SAR1B: variants seen among roughly 807,000 people sequenced by gnomAD.
SAR1B encodes the protein secretion associated Ras related GTPase 1B.
Under a neutral mutation model 26.8 loss-of-function variants are expected in SAR1B, and 23 were observed. The ratio of observed to expected loss-of-function variants is 0.86; its 90% CI spans 0.62 to 1.22. The LOEUF is 1.22. Ranked by LOEUF, SAR1B falls within the 50% of genes most tolerant of loss-of-function variation. SAR1B has a pLI of 0.00. For synonymous variants in SAR1B, 65 were observed against 80.8 expected, an observed-to-expected ratio of 0.80 and a Z score of 1.05; for missense variants, 196 against 232.8, an observed-to-expected ratio of 0.84 and a Z score of 1.03.
chr5:134,631,373 A>G (rs1422638814), intron 1 of SAR1B, among the ~76,000 whole-genome samples: 1 of 152,172 alleles, frequency 6.6e-6, no homozygotes, highest in Non-Finnish European at 1.5e-5. Flanking sequence ...AGTCTACTGA[A>G]AGGTATAATA....
chr5:134,612,507 C>T (rs577812618), intron 4 of SAR1B, among the ~76,000 whole-genome samples, 184 bp downstream of exon 4: 4 of 151,450 alleles, frequency 2.6e-5, no homozygotes, highest in Admixed American at 6.6e-5. Flanking sequence ...CAGCTGGGCG[C>T]GGTGGCACAT....
chr5:134,606,153 C>G lies in SAR1B; in HGVS notation c.*797G>C, dbSNP rs1765124384. ...GTGCTTTTCTTCAGAAGGCCAATCC[C>G]ACAGGGACTAGGACACAGACCCCAT... is the stretch of plus-strand genomic sequence containing the variant. On this transcript the variant is annotated 3_prime_UTR_variant, in exon 7 of 7. Transcript: ENST00000402673. The G allele has an allele frequency of 6.6e-6, 1 of 152,242 alleles. No individual in the cohort carries two copies. Among genetic ancestry groups the G allele is most frequent in the Non-Finnish European group, 1.5e-5 (1 of 68,118 alleles). The allele number at this position is 152,242 out of a possible 1,614,324, so 9.4% of individuals were successfully genotyped here.
At position 134,623,397 on chromosome 5, in the gene SAR1B, G is replaced by A. The variant is rs532170637; in HGVS notation, c.58+565C>T. Among the ~76,000 whole-genome samples the A allele has an allele frequency of 9.9e-4, 149 of 150,996 alleles. 1 individual carries two copies. Among genetic ancestry groups the A allele is most frequent in the Admixed American group, 4.4e-3 (66 of 15,098 alleles). On this transcript the variant is annotated intron_variant, in intron 2 of 6. Transcript: ENST00000402673. ...GGAGTTTGCAGTGAGCTGAGATCAC[G>A]CCACTGCACTCCAGCCTGGGCGACA... is the stretch of plus-strand genomic sequence containing the variant.
At chr5:134,613,044 T>A in intron 3 of SAR1B, 1 of 421,462 alleles carries the variant, frequency 2.4e-6, no homozygotes. Flanking sequence ...GGTCATAGCC[T>A]GTTCCTCTTC....
At position 134,621,549 on chromosome 5, in the gene SAR1B, A is replaced by T. The variant is rs184326643; in HGVS notation, c.59-497T>A. ...GATTTGGGACTTCAGATAATTATAA[A>T]ACCAAACTTCAACCCAGTCAATAGA... is the stretch of plus-strand genomic sequence containing the variant. On this transcript the variant is annotated intron_variant, in intron 2 of 6. Transcript: ENST00000402673. Among the ~76,000 whole-genome samples the T allele has an allele frequency of 3.3e-5, 5 of 152,282 alleles. No homozygotes were observed. In the East Asian group the frequency reaches 7.7e-4, roughly 24 times the overall value.
At chr5:134,617,467 G>T (rs1400109575) in intron 3 of SAR1B, among the ~76,000 whole-genome samples, 1 of 152,102 alleles carries the variant, frequency 6.6e-6, no homozygotes, top group Non-Finnish European at 1.5e-5. Context: ...TAAAAAATAT[G>T]AGTTGAAATG....
chr5:134,617,241 AAAT>A (rs1402806027), intron 3 of SAR1B, among the ~76,000 whole-genome samples: 2 of 152,150 alleles, frequency 1.3e-5, no homozygotes, highest in African/African-American at 4.8e-5. Flanking sequence ...CAAAAAAAAA[AAAT>A]AATAATAACT....
intron 1 of SAR1B, chr5:134,631,856 G>C (rs1765610419): frequency 6.6e-6 from 1 of 152,368 alleles, no homozygotes; most frequent in South Asian, 2.1e-4. Context: ...CTGAGGTCAG[G>C]AGTTGGAGAC....
chr5:134,608,344 C>T, intron 6 of SAR1B, 28 bp downstream of exon 6: 1 of 1,521,702 alleles, frequency 6.6e-7, no homozygotes, highest in Non-Finnish European at 8.9e-7. Context: ...ATTAAACACA[C>T]CCATCATAAT....
chr5:134,601,767 C>G lies in SAR1B; in HGVS notation c.*5183G>C, dbSNP rs1444141232. 1 of 152,202 alleles carries G rather than the reference C, an allele frequency of 6.6e-6. No individual in the cohort carries two copies. The highest frequency in any genetic ancestry group is 2.1e-4 in the South Asian group (1 of 4,832). The allele number at this position is 152,202 out of a possible 1,614,324, so 9.4% of individuals were successfully genotyped here. On this transcript the variant is annotated 3_prime_UTR_variant, in exon 7 of 7. Transcript: ENST00000402673. ...AAGCCACTTTTAAAATGCATGCTGG[C>G]CGGGCGCAGTGGTTCACGCCTATAA...
At chr5:134,610,209 G>T (rs1461361287) in intron 4 of SAR1B, among the ~76,000 whole-genome samples, 1 of 152,028 alleles carries the variant, frequency 6.6e-6, no homozygotes, top group Non-Finnish European at 1.5e-5. Context: ...GCTCACACTT[G>T]TAATCCCAGC....
intron 5 of SAR1B, 149 bp downstream of exon 5, chr5:134,609,422 T>C (rs1765178561): frequency 1.4e-6 from 1 of 694,386 alleles, no homozygotes; most frequent in East Asian, 2.7e-5. Flanking sequence ...AAGTAATCAC[T>C]ACTTAAAGCA....
chr5:134,626,018 GCCAGGCACAATGGCTCACA>G (rs1029845122), intron 1 of SAR1B: 6 of 152,016 alleles, frequency 3.9e-5, no homozygotes, highest in African/African-American at 1.2e-4. Flanking sequence ...TGTGGTTTCA[GCCAGGCACAATGGCTCACA>G]CCTGTAATCC....
chr5:134,624,947 A>G (rs1255373720), intron 1 of SAR1B, among the ~76,000 whole-genome samples: 2 of 152,080 alleles, frequency 1.3e-5, no homozygotes, highest in African/African-American at 4.8e-5. Flanking sequence ...TTCCTTCTCA[A>G]AAAGGGTGAG....
chr5:134,610,882 C>CTTTT (rs1765201120), intron 4 of SAR1B, among the ~76,000 whole-genome samples: 1 of 150,976 alleles, frequency 6.6e-6, no homozygotes, highest in Non-Finnish European at 1.5e-5. Flanking sequence ...TTATGACATA[C>CTTTT]CTTTTTTTTT....
At chr5:134,610,038 T>C (rs1054730503) in intron 4 of SAR1B, among the ~76,000 whole-genome samples, 1 of 151,900 alleles carries the variant, frequency 6.6e-6, no homozygotes, top group Non-Finnish European at 1.5e-5. Flanking sequence ...TGATTATATA[T>C]ACATAAAATG....
In SAR1B at chr5:134,616,424, C is replaced by G. The variant is rs1765318444; in HGVS notation, c.179-3668G>C. ...TGCACTCCAGCCTGGGGGACAAGAG[C>G]GAGACTTTGTCTCAAAAAAAAAAAA... On this transcript the variant is annotated intron_variant, in intron 3 of 6. Transcript: ENST00000402673. Among the ~76,000 whole-genome samples the G allele has an allele frequency of 2.1e-5, 3 of 141,182 alleles. No individual in the cohort carries two copies. In the South Asian group the frequency reaches 6.6e-4, roughly 31 times the overall value. The allele number at this position is 141,182 out of a possible 152,430, so 92.6% of individuals were successfully genotyped here.
rs553919107 is a variant in SAR1B at position 134,601,497 on chromosome 5, T to C, written c.*5453A>G. The C allele has an allele frequency of 3.9e-5, 6 of 152,310 alleles. No homozygotes were observed. Among genetic ancestry groups the C allele is most frequent in the African/African-American group, 1.4e-4 (6 of 41,560 alleles). 9.4% of individuals were successfully genotyped at this position (152,310 alleles called of 1,614,324 possible). A position where few individuals can be genotyped will look rare whatever the true frequency, so the allele number is the denominator to read the frequency against. On this transcript the variant is annotated 3_prime_UTR_variant, in exon 7 of 7. Transcript: ENST00000402673. ...CAGCCAAATACTGAAGGTTTCACCA[T>C]GGAAAAACACTTTTATCACTTTTAA...
chr5:134,628,961 T>A (rs112365120), intron 1 of SAR1B, among the ~76,000 whole-genome samples: 2,010 of 150,846 alleles, frequency 0.013, 35 homozygotes, highest in African/African-American at 0.047. Flanking sequence ...GTACAAAAAA[T>A]TTTTTAAATT....
Sources: allele counts gnomAD v4.1 joint callset (sites outside exome capture counted in the v4.1 genomes callset), GRCh38; gene constraint gnomAD v4.1.1; transcripts MANE v1.5; gene names NCBI Gene and HGNC (gene_info 2026-07-23, HGNC 2026-07-21).